Variants in STX2 observed in about 807,000 individuals in gnomAD.
STX2 encodes the protein syntaxin-2.
In STX2, 27 loss-of-function variants were observed where a neutral mutation model predicts 40.6. The ratio of observed to expected loss-of-function variants is 0.66; its 90% CI spans 0.49 to 0.92. STX2 has a LOEUF of 0.92. Among genes scored for constraint, STX2 ranks in the 40% least tolerant of loss-of-function variants. STX2 has a pLI of 0.00. For synonymous variants in STX2, 123 were observed against 119.1 expected, an observed-to-expected ratio of 1.03 and a Z score of -0.22; for missense variants, 328 against 366.1, an observed-to-expected ratio of 0.90 and a Z score of 0.85.
rs1026660878 is a variant in STX2 at position 130,839,161 on chromosome 12, C to T, written c.-62G>A. The T allele has an allele frequency of 2.2e-5, 26 of 1,156,272 alleles. No homozygotes were observed. The highest frequency in any genetic ancestry group is 4.7e-5 in the Admixed American group (1 of 21,106). The allele number at this position is 1,156,272 out of a possible 1,614,324, so 71.6% of individuals were successfully genotyped here. ...CTGTCCCGAGCTGCCTCCGGCCGGG[C>T]CTCGGGCTCTCCGGTCTCCGCCTCA... On this transcript the variant is annotated 5_prime_UTR_variant, in exon 1 of 11. Transcript: ENST00000392373.
chr12:130,817,006 C>A (rs539645536), intron 3 of STX2, among the ~76,000 whole-genome samples: 2 of 152,144 alleles, frequency 1.3e-5, no homozygotes, highest in African/African-American at 4.8e-5. Flanking sequence ...AAAAATAAAT[C>A]ATCTCTTTAA....
intron 5 of STX2, among the ~76,000 whole-genome samples, chr12:130,808,424 T>C (rs1346778140): frequency 6.6e-6 from 1 of 152,230 alleles, no homozygotes; most frequent in Admixed American, 6.5e-5. Flanking sequence ...CTAATTTGTA[T>C]TTCTTTTCTC....
At chr12:130,831,518 A>C (rs1280723467) in intron 1 of STX2, among the ~76,000 whole-genome samples, 4 of 152,114 alleles carry the variant, frequency 2.6e-5, no homozygotes, top group Admixed American at 2.6e-4. Context: ...AAATACAAAA[A>C]TTAGCCAGGC....
At position 130,791,779 on chromosome 12, in the gene STX2, C is replaced by G; in HGVS notation, c.*244G>C. The G allele has an allele frequency of 1.2e-6, 1 of 860,550 alleles. No homozygotes were observed. Among genetic ancestry groups the G allele is most frequent in the Non-Finnish European group, 1.9e-6 (1 of 527,232 alleles). The allele number at this position is 860,550 out of a possible 1,614,324, so 53.3% of individuals were successfully genotyped here. A position where few individuals can be genotyped will look rare whatever the true frequency, so the allele number is the denominator to read the frequency against. On this transcript the variant is annotated 3_prime_UTR_variant, in exon 11 of 11. Coordinates refer to ENST00000392373, the MANE Select transcript of STX2 (RefSeq NM_194356.4). ...GCTTCTTCCGTGAACTCATACATTA[C>G]AAGGTCAGCACTCGATGCCGGGTTA...
intron 6 of STX2, among the ~76,000 whole-genome samples, chr12:130,802,764 C>T (rs1007034501): frequency 6.6e-5 from 10 of 152,108 alleles, no homozygotes; most frequent in African/African-American, 2.2e-4. Flanking sequence ...CCAACCAACA[C>T]GCTGGGATTA....
intron 3 of STX2, among the ~76,000 whole-genome samples, chr12:130,817,098 GCAAA>G (rs1229158883): frequency 2.7e-5 from 4 of 149,792 alleles, no homozygotes; most frequent in Non-Finnish European, 5.9e-5. Context: ...AAATAACCAG[GCAAA>G]CAAAGAAAAA....
chr12:130,795,315 T>A (rs1950995392), intron 10 of STX2, among the ~76,000 whole-genome samples: 1 of 152,224 alleles, frequency 6.6e-6, no homozygotes, highest in Admixed American at 6.5e-5. Flanking sequence ...ATAAAGTACC[T>A]TTCAGTGTTG....
chr12:130,837,756 C>T (rs1233892062), intron 1 of STX2, among the ~76,000 whole-genome samples: 2 of 152,164 alleles, frequency 1.3e-5, no homozygotes, highest in Non-Finnish European at 2.9e-5. Context: ...TCCTACTACA[C>T]GGCACTGAAA....
chr12:130,821,754 GT>G lies in STX2; in HGVS notation c.139del (p.Thr47LeufsTer7). 6.2e-7 allele frequency: 1 copy of G among 1,612,478 alleles called. No individual in the cohort carries two copies. Among genetic ancestry groups the G allele is most frequent in the Non-Finnish European group, 8.5e-7 (1 of 1,178,492 alleles). On this transcript the variant is annotated frameshift_variant, in exon 3 of 11. Transcript: ENST00000392373. LOFTEE classifies it high-confidence loss of function. ...EEIRNSIDKI[T>X]QYVEEVKKNH... ...TTTCTTTACTTCTTCAACATATTGA[GT>G]TATTTTATCAATACTGTTTCTAATC...
intron 3 of STX2, among the ~76,000 whole-genome samples, chr12:130,813,450 G>C (rs569710594): frequency 6.6e-6 from 1 of 152,322 alleles, no homozygotes; most frequent in Non-Finnish European, 1.5e-5. Flanking sequence ...AAAGTCTCCC[G>C]TGTGTGTGCT....
chr12:130,828,121 T>A (rs997060293), intron 1 of STX2, among the ~76,000 whole-genome samples: 1 of 152,198 alleles, frequency 6.6e-6, no homozygotes, highest in Non-Finnish European at 1.5e-5. Context: ...ACCCTAAGGA[T>A]AAGATATTTA....
intron 1 of STX2, among the ~76,000 whole-genome samples, chr12:130,834,650 G>T (rs1218744974): frequency 1.4e-4 from 21 of 152,058 alleles, no homozygotes; most frequent in Non-Finnish European, 1.5e-5. Flanking sequence ...TCAAACTAAA[G>T]GACATGTTTA....
intron 1 of STX2, among the ~76,000 whole-genome samples, chr12:130,836,111 T>C (rs1169235112): frequency 6.1e-5 from 9 of 148,520 alleles, no homozygotes; most frequent in Non-Finnish European, 1.2e-4. Flanking sequence ...ATTCAACTAC[T>C]CTAAGAACTA....
At chr12:130,796,657 G>A (rs749667717) in intron 9 of STX2, among the ~76,000 whole-genome samples, 1 of 152,074 alleles carries the variant, frequency 6.6e-6, no homozygotes, top group South Asian at 2.1e-4. Flanking sequence ...TCATCCATGG[G>A]GACAGCACGA....
intron 10 of STX2, 28 bp downstream of exon 10, chr12:130,795,966 AT>A: frequency 6.3e-7 from 1 of 1,582,784 alleles, no homozygotes; most frequent in South Asian, 1.2e-5. Flanking sequence ...GCAAAAGTTA[AT>A]AAGTAAATTA....
At chr12:130,808,450 C>G (rs1194826701) in intron 5 of STX2, among the ~76,000 whole-genome samples, 181 bp downstream of exon 5, 1 of 152,164 alleles carries the variant, frequency 6.6e-6, no homozygotes, top group Non-Finnish European at 1.5e-5. Context: ...GTGTCCTCAA[C>G]TTTGGCAAAA....
intron 3 of STX2, among the ~76,000 whole-genome samples, chr12:130,813,537 C>T (rs1262416055): frequency 6.6e-6 from 1 of 152,194 alleles, no homozygotes; most frequent in East Asian, 1.9e-4. Flanking sequence ...CTGGGCCGGT[C>T]GCCCTGGCCT....
At chr12:130,828,709 A>T (rs1952429122) in intron 1 of STX2, among the ~76,000 whole-genome samples, 1 of 151,534 alleles carries the variant, frequency 6.6e-6, no homozygotes, top group African/African-American at 2.4e-5. Flanking sequence ...TACTAAAAAT[A>T]CAAAAAAAAT....
In STX2 at chr12:130,839,236, T is replaced by G; in HGVS notation, c.-137A>C. ...CAGCAGCCCTCCCTGGAGCCGGCGCTGCCACGGCAACCGCGCCCCGCGCGC... is the reference window on the plus strand; with the variant it reads ...CAGCAGCCCTCCCTGGAGCCGGCGCGGCCACGGCAACCGCGCCCCGCGCGC... On this transcript the variant is annotated 5_prime_UTR_variant, in exon 1 of 11. Coordinates refer to ENST00000392373, the MANE Select transcript of STX2 (RefSeq NM_194356.4). 1.3e-6 allele frequency: 1 copy of G among 744,574 alleles called. No individual in the cohort carries two copies. Among genetic ancestry groups the G allele is most frequent in the South Asian group, 6.0e-5 (1 of 16,728 alleles). 46.1% of individuals were successfully genotyped at this position (744,574 alleles called of 1,614,324 possible). A position where few individuals can be genotyped will look rare whatever the true frequency, so the allele number is the denominator to read the frequency against.
Sources: gnomAD v4.1 joint callset for allele counts (sites outside exome capture counted in the v4.1 genomes callset) on GRCh38, gnomAD v4.1.1 for gene constraint, MANE v1.5 for transcripts, NCBI Gene and HGNC (gene_info 2026-07-23, HGNC 2026-07-21) for gene names.